STX8: variants seen among roughly 807,000 people sequenced by gnomAD.
STX8 encodes syntaxin 8.
Under a neutral mutation model 37.5 loss-of-function variants are expected in STX8, and 23 were observed. That is an observed-to-expected ratio of 0.61 (90% CI 0.44 to 0.87). The LOEUF (loss-of-function observed/expected upper bound fraction) is 0.87. Among genes scored for constraint, STX8 ranks in the 40% least tolerant of loss-of-function variants. STX8 has a pLI of 0.00. For missense variants in STX8, 313 were observed against 284.7 expected (o/e 1.10, Z -0.71); for synonymous variants, 115 against 99.1 (o/e 1.16, Z -0.95).
chr17:9,390,172 C>T (rs1912162756), intron 6 of STX8, among the ~76,000 whole-genome samples: 1 of 152,162 alleles, frequency 6.6e-6, no homozygotes. Flanking sequence ...AAAACACAGG[C>T]TCCTTTCCGA....
At chr17:9,295,715 C>A (rs926952088) in intron 7 of STX8, among the ~76,000 whole-genome samples, 2 of 151,888 alleles carry the variant, frequency 1.3e-5, no homozygotes, top group African/African-American at 2.4e-5. Context: ...CGCACTCCAG[C>A]GTGACGACAG....
chr17:9,504,062 C>A (rs1904727878), intron 5 of STX8, among the ~76,000 whole-genome samples: 2 of 151,436 alleles, frequency 1.3e-5, no homozygotes, highest in Non-Finnish European at 2.9e-5. Context: ...CCACACCCAG[C>A]CGACACATAC....
chr17:9,477,191 A>G (rs28568719), intron 6 of STX8, among the ~76,000 whole-genome samples: 3,779 of 152,208 alleles, frequency 0.025, 138 homozygotes, highest in African/African-American at 0.084. Context: ...TACCAGGCAT[A>G]TTGGATTAGG....
At chr17:9,253,702 T>C (rs1189009644) in intron 7 of STX8, among the ~76,000 whole-genome samples, 2 of 151,932 alleles carry the variant, frequency 1.3e-5, no homozygotes, top group Non-Finnish European at 2.9e-5. Flanking sequence ...GGGATCACAG[T>C]TGGGAGGACA....
In STX8 at chr17:9,425,921, G is replaced by A. The variant is rs551761368; in HGVS notation, c.542-47268C>T. On this transcript the variant is annotated intron_variant, in intron 6 of 7. Transcript: ENST00000306357. ...GCCAGTCTCAATCTCTCTCTTGCAC[G>A]CACGTATGCACGCGCACACACACAC... Among the ~76,000 whole-genome samples the A allele has an allele frequency of 2.6e-5, 4 of 152,130 alleles. No homozygotes were observed. In the East Asian group the frequency reaches 7.7e-4, roughly 29 times the overall value.
chr17:9,564,365 G>A (rs1172044428), intron 2 of STX8, among the ~76,000 whole-genome samples: 1 of 151,578 alleles, frequency 6.6e-6, no homozygotes, highest in East Asian at 1.9e-4. Flanking sequence ...AGAGAGAGAG[G>A]AAGGAAGGAA....
chr17:9,385,490 A>T (rs931802025), intron 6 of STX8, among the ~76,000 whole-genome samples: 1 of 152,360 alleles, frequency 6.6e-6, no homozygotes, highest in East Asian at 1.9e-4. Context: ...TAACTTTAAA[A>T]TAGGCAAAAG....
intron 6 of STX8, among the ~76,000 whole-genome samples, chr17:9,389,697 T>C (rs1000464438): frequency 2.0e-5 from 3 of 152,224 alleles, no homozygotes; most frequent in African/African-American, 7.2e-5. Flanking sequence ...GGACTCATAA[T>C]GGCAGTAGTA....
chr17:9,492,824 G>A (rs539121377), intron 5 of STX8, among the ~76,000 whole-genome samples: 6 of 152,222 alleles, frequency 3.9e-5, no homozygotes, highest in Admixed American at 6.5e-5. Context: ...AGCCAGTCGC[G>A]GTGGCTCACG....
intron 4 of STX8, among the ~76,000 whole-genome samples, chr17:9,535,424 CT>C (rs35962202): frequency 6.5e-3 from 333 of 51,508 alleles, no homozygotes; most frequent in African/African-American, 0.021. Context: ...AGCCATCCTA[CT>C]TTTTTTTTTT....
chr17:9,441,213 T>A (rs148061027), intron 6 of STX8, among the ~76,000 whole-genome samples: 1 of 151,764 alleles, frequency 6.6e-6, no homozygotes, highest in Admixed American at 6.6e-5. Context: ...CAAATACGGC[T>A]GGGCACGGTG....
At chr17:9,372,629 C>A (rs1007267616) in intron 7 of STX8, among the ~76,000 whole-genome samples, 12 of 151,680 alleles carry the variant, frequency 7.9e-5, no homozygotes, top group African/African-American at 2.7e-4. Context: ...AGGCACGCAC[C>A]ACCACGCCTG....
intron 7 of STX8, among the ~76,000 whole-genome samples, chr17:9,262,069 C>T (rs1469758863): frequency 1.3e-5 from 2 of 152,196 alleles, no homozygotes; most frequent in Admixed American, 6.5e-5. Context: ...GGTATTACTA[C>T]CAAAGTTCTA....
intron 6 of STX8, among the ~76,000 whole-genome samples, chr17:9,483,236 T>C (rs1431099403): frequency 6.6e-6 from 1 of 152,042 alleles, no homozygotes; most frequent in African/African-American, 2.4e-5. Context: ...ATTCCAGCTT[T>C]TAGAGCTTCA....
intron 7 of STX8, among the ~76,000 whole-genome samples, chr17:9,376,003 G>A (rs866735218): frequency 3.2e-4 from 48 of 152,150 alleles, no homozygotes; most frequent in African/African-American, 1.1e-3. Flanking sequence ...GGCCAGCACT[G>A]GACACTTTAC....
chr17:9,542,956 A>T (rs1008501091), intron 4 of STX8, among the ~76,000 whole-genome samples: 2 of 152,160 alleles, frequency 1.3e-5, no homozygotes, highest in African/African-American at 2.4e-5. Flanking sequence ...AAAACTAACA[A>T]AACAAACAAG....
At chr17:9,445,064 G>A (rs1014642403) in intron 6 of STX8, among the ~76,000 whole-genome samples, 1 of 151,858 alleles carries the variant, frequency 6.6e-6, no homozygotes, top group Non-Finnish European at 1.5e-5. Flanking sequence ...GCTAGCTAAA[G>A]AGAACTTAGG....
chr17:9,542,676 C>CAAAA (rs1300492268), intron 4 of STX8, among the ~76,000 whole-genome samples: 2 of 144,620 alleles, frequency 1.4e-5, no homozygotes, highest in African/African-American at 5.4e-5. Flanking sequence ...GACTCCATCT[C>CAAAA]AAAAAATAAA....
At chr17:9,445,889 G>C (rs1904833874) in intron 6 of STX8, among the ~76,000 whole-genome samples, 1 of 144,604 alleles carries the variant, frequency 6.9e-6, no homozygotes, top group Non-Finnish European at 1.5e-5. Flanking sequence ...CCAGGCTGGA[G>C]TGCAGTGGTG....
Sources: gnomAD v4.1 joint callset for allele counts (sites outside exome capture counted in the v4.1 genomes callset) on GRCh38, gnomAD v4.1.1 for gene constraint, MANE v1.5 for transcripts, NCBI Gene and HGNC (gene_info 2026-07-23, HGNC 2026-07-21) for gene names.